LUZP1: variants seen among roughly 807,000 people sequenced by gnomAD.
LUZP1 encodes the protein leucine zipper protein 1.
A neutral mutation model predicts 71.3 loss-of-function variants in LUZP1; 25 were observed. The observed-to-expected ratio is 0.35, with a 90% CI of 0.26 to 0.49. LUZP1 has a LOEUF of 0.49. LUZP1 is among the 20% of genes least tolerant of loss of function. The probability of loss-of-function intolerance (pLI) is 0.99; values close to 1 mark genes in which losing one functional copy is unlikely to be tolerated. For synonymous variants in LUZP1, 481 were observed against 506.4 expected (o/e 0.95, Z 0.67); for missense variants, 1,142 against 1,300.8 (o/e 0.88, Z 1.88).
chr1:23,148,376 AACG>A (rs201647396), intron 2 of LUZP1, among the ~76,000 whole-genome samples: 1 of 150,332 alleles, frequency 6.7e-6, no homozygotes, highest in African/African-American at 2.5e-5. Context: ...ACAAAACAAC[AACG>A]ACCAAAGTGG....
At chr1:23,170,529 C>T (rs1209163109) in intron 1 of LUZP1, among the ~76,000 whole-genome samples, 1 of 146,970 alleles carries the variant, frequency 6.8e-6, no homozygotes, top group Admixed American at 7.0e-5. Context: ...TGCAGTGGCA[C>T]GATCTCAGTT....
exon 5 of LUZP1, chr1:23,089,000 G>A: frequency 1.9e-6 from 3 of 1,614,128 alleles, no homozygotes; most frequent in Non-Finnish European, 2.5e-6. Context: ...ACGGATCCAG[G>A]GAGTTGTGCA....
At chr1:23,087,134 A>G (rs532394687) in exon 5 of LUZP1, 10 of 152,290 alleles carry the variant, frequency 6.6e-5, no homozygotes, top group African/African-American at 2.4e-4. Context: ...ACGCCAGGAG[A>G]TACTGTGTGG....
At chr1:23,104,689 CA>C (rs1311867709) in intron 3 of LUZP1, among the ~76,000 whole-genome samples, 1 of 152,152 alleles carries the variant, frequency 6.6e-6, no homozygotes, top group East Asian at 1.9e-4. Flanking sequence ...AATACAGTGA[CA>C]GGGGCAAGGT....
chr1:23,127,840 AG>A (rs1233892054), intron 2 of LUZP1, among the ~76,000 whole-genome samples: 1 of 152,160 alleles, frequency 6.6e-6, no homozygotes, highest in African/African-American at 2.4e-5. Flanking sequence ...AGTTTTAAAA[AG>A]AAAAAAAGTG....
chr1:23,098,410 T>C (rs1643905436), intron 3 of LUZP1, among the ~76,000 whole-genome samples: 1 of 152,184 alleles, frequency 6.6e-6, no homozygotes. Flanking sequence ...GGAGGGACTG[T>C]AGTTATTGAT....
At chr1:23,085,034 G>A (rs1643742204) in exon 5 of LUZP1, 1 of 152,636 alleles carries the variant, frequency 6.6e-6, no homozygotes, top group South Asian at 2.1e-4. Context: ...TCGCGCCAGA[G>A]GATACATGCA....
At chr1:23,161,191 C>A (rs1557692932) in intron 2 of LUZP1, among the ~76,000 whole-genome samples, 1 of 152,188 alleles carries the variant, frequency 6.6e-6, no homozygotes, top group Non-Finnish European at 1.5e-5. Flanking sequence ...CAGATGAGTT[C>A]TCTGCTTTCA....
In LUZP1 at chr1:23,151,288, CCT is replaced by C. The variant is rs1469112406; in HGVS notation, c.-226+17476_-226+17477del. ...TGAACTCCTGATCTCAGGTGATCCG[CCT>C]GCCTCGGCCTCCCAAAGTGCTGGGA... On this transcript the variant is annotated intron_variant, in intron 2 of 4. Transcript: ENST00000302291. Among the ~76,000 whole-genome samples, 41 of 152,258 alleles carry C rather than the reference CCT, an allele frequency of 2.7e-4. 1 individual carries two copies. The East Asian group carries it at 7.5e-3, about 28-fold the overall frequency.
At chr1:23,118,342 G>T (rs1644102899) in intron 2 of LUZP1, among the ~76,000 whole-genome samples, 4 of 152,014 alleles carry the variant, frequency 2.6e-5, no homozygotes. Flanking sequence ...AGGTTTCAGT[G>T]AACTGAGATC....
intron 2 of LUZP1, among the ~76,000 whole-genome samples, chr1:23,129,188 A>G (rs887864452): frequency 2.6e-5 from 4 of 152,228 alleles, no homozygotes; most frequent in Admixed American, 6.5e-5. Flanking sequence ...TATTTTAAAT[A>G]ATGATCAAGA....
rs61781467 is a variant in LUZP1 at position 23,142,698 on chromosome 1, T to C, written c.-226+26068A>G. 6.4e-3 allele frequency among the ~76,000 whole-genome samples: 644 copies of C among 101,356 alleles called. 6 individuals are homozygous for C. The highest frequency in any genetic ancestry group is 0.018 in the African/African-American group (488 of 26,590). The allele number at this position is 101,356 out of a possible 152,430, so 66.5% of individuals were successfully genotyped here. On this transcript the variant is annotated intron_variant, in intron 2 of 4. Transcript: ENST00000302291. ...GGTGGGTGCATAAAATATATATATA[T>C]ATACACACACACACACACACACACA...
At chr1:23,085,207 A>C (rs1300106783) in exon 5 of LUZP1, 3 of 152,702 alleles carry the variant, frequency 2.0e-5, no homozygotes, top group South Asian at 4.1e-4. Flanking sequence ...CTGCCTGAGC[A>C]AGTAGGTGTG....
chr1:23,143,819 T>A (rs1166128577), intron 2 of LUZP1, among the ~76,000 whole-genome samples: 1 of 152,202 alleles, frequency 6.6e-6, no homozygotes, highest in African/African-American at 2.4e-5. Flanking sequence ...TGCTGGTACT[T>A]CTGTTTTACA....
At chr1:23,151,926 C>T (rs1032114239) in intron 2 of LUZP1, among the ~76,000 whole-genome samples, 3 of 150,648 alleles carry the variant, frequency 2.0e-5, no homozygotes, top group African/African-American at 7.3e-5. Context: ...CGCTTGAACC[C>T]AGGAGGCGGA....
intron 2 of LUZP1, among the ~76,000 whole-genome samples, chr1:23,121,772 G>A (rs1326641928): frequency 2.0e-5 from 3 of 152,138 alleles, no homozygotes; most frequent in Non-Finnish European, 4.4e-5. Flanking sequence ...AGCACTTTGG[G>A]AGGCCAAGGC....
intron 2 of LUZP1, among the ~76,000 whole-genome samples, chr1:23,150,265 G>A (rs954273036): frequency 5.9e-5 from 9 of 152,088 alleles, no homozygotes; most frequent in African/African-American, 2.2e-4. Context: ...CAATAAAAAT[G>A]GGGAGAGAAC....
rs529579967 is a variant in LUZP1, at chr1:23,093,722, C to A, written c.540G>T (p.Ala180=). 6.2e-7 allele frequency: 1 copy of A among 1,613,682 alleles called. No homozygotes were observed. The change falls in exon 4 of 5, where the codon GCG becomes GCT. Residue 180 remains alanine, a synonymous_variant. Coordinates refer to ENST00000302291, the Ensembl canonical transcript of LUZP1. This position sits in a 1 kb window ranked among gnomAD's most constrained non-coding sequence, Gnocchi z 4.2. ...ATGATTTCAGCTTTTCTAACTCTGA[C>A]GCTAAACTCTGCTCAGTTTTATCCA...
chr1:23,162,329 T>C (rs923010926), intron 2 of LUZP1, among the ~76,000 whole-genome samples: 6 of 152,160 alleles, frequency 3.9e-5, no homozygotes, highest in Non-Finnish European at 7.3e-5. Context: ...GCTGCTTACA[T>C]GGGTATATTC....
Sources: allele counts gnomAD v4.1 joint callset (sites outside exome capture counted in the v4.1 genomes callset), GRCh38; gene constraint gnomAD v4.1.1; non-coding constraint Gnocchi (gnomAD v3.1); transcripts MANE v1.5; gene names NCBI Gene and HGNC (gene_info 2026-07-23, HGNC 2026-07-21).